The following EHHADH variants were observed in gnomAD, a reference collection of about 807,000 sequenced individuals.
EHHADH encodes the protein enoyl-CoA hydratase and 3-hydroxyacyl CoA dehydrogenase, also known as peroxisomal bifunctional enzyme.
A neutral mutation model predicts 64.4 loss-of-function variants in EHHADH; 48 were observed. The observed-to-expected ratio is 0.75, with a 90% confidence interval of 0.59 to 0.95. The LOEUF is 0.95. Among genes scored for constraint, EHHADH ranks in the 40% least tolerant of loss-of-function variants. The pLI, the probability that EHHADH is intolerant of heterozygous loss-of-function variation, is 0.00. For missense variants in EHHADH, 854 were observed against 876.6 expected (o/e 0.97, Z 0.33); for synonymous variants, 308 against 326.7 (o/e 0.94, Z 0.62).
chr3:185,194,934 A>T (rs1718020989), intron 6 of EHHADH, among the ~76,000 whole-genome samples: 1 of 151,918 alleles, frequency 6.6e-6, no homozygotes, highest in Non-Finnish European at 1.5e-5. Context: ...CCACACAATT[A>T]TGGCCAATTG....
At chr3:185,207,520 T>G (rs1718429621) in intron 5 of EHHADH, among the ~76,000 whole-genome samples, 1 of 152,176 alleles carries the variant, frequency 6.6e-6, no homozygotes, top group Admixed American at 6.5e-5. Flanking sequence ...AATGCAGTGT[T>G]CTCTAGAAGC....
chr3:185,236,091 G>A (rs61421515), intron 2 of EHHADH, among the ~76,000 whole-genome samples: 10,385 of 151,998 alleles, frequency 0.068, 1,179 homozygotes, highest in African/African-American at 0.23. Context: ...TGAAAACCAC[G>A]CAAAATTAAA....
At chr3:185,209,505 A>G (rs1348233147) in intron 5 of EHHADH, among the ~76,000 whole-genome samples, 1 of 152,222 alleles carries the variant, frequency 6.6e-6, no homozygotes, top group Non-Finnish European at 1.5e-5. Flanking sequence ...TCAAAAATGT[A>G]CATCTTAGTT....
intron 6 of EHHADH, among the ~76,000 whole-genome samples, chr3:185,200,815 T>C (rs1262914219): frequency 6.6e-6 from 1 of 152,112 alleles, no homozygotes; most frequent in East Asian, 1.9e-4. Flanking sequence ...GGGTTACTAA[T>C]CAGAACTGCG....
intron 2 of EHHADH, 137 bp from the exon 3 acceptor site, chr3:185,235,599 C>T (rs1719269601): frequency 4.2e-6 from 3 of 707,680 alleles, no homozygotes; most frequent in Non-Finnish European, 4.1e-6. Flanking sequence ...TTCCTGATGA[C>T]TAAAGTCTCA....
chr3:185,249,673 C>T (rs1719693230), intron 1 of EHHADH, among the ~76,000 whole-genome samples: 1 of 152,172 alleles, frequency 6.6e-6, no homozygotes, highest in Non-Finnish European at 1.5e-5. Context: ...GTAAGTTTCC[C>T]CAGGCTTCCC....
intron 4 of EHHADH, chr3:185,226,941 A>G (rs1718994363): frequency 6.6e-6 from 1 of 152,214 alleles, no homozygotes; most frequent in Admixed American, 6.6e-5. Context: ...TCTTCATACA[A>G]TCTCCATGAA....
At chr3:185,245,707 A>G (rs1719576109) in intron 2 of EHHADH, 1 of 713,310 alleles carries the variant, frequency 1.4e-6, no homozygotes, top group Non-Finnish European at 2.6e-6. Flanking sequence ...ATTACCATCT[A>G]TAGAACCACT....
chr3:185,248,571 T>C (rs1201335463), intron 1 of EHHADH, 54 bp from the exon 2 acceptor site: 2 of 1,331,846 alleles, frequency 1.5e-6, no homozygotes, highest in African/African-American at 1.5e-5. Context: ...ATTCCTACCA[T>C]TCAGAGTGTT....
At chr3:185,241,542 C>T (rs1719452638) in intron 2 of EHHADH, among the ~76,000 whole-genome samples, 1 of 152,154 alleles carries the variant, frequency 6.6e-6, no homozygotes, top group African/African-American at 2.4e-5. Context: ...TTGCATTTCC[C>T]TGATCATTAG....
intron 6 of EHHADH, among the ~76,000 whole-genome samples, chr3:185,201,537 G>A (rs1437670025): frequency 6.6e-6 from 1 of 152,134 alleles, no homozygotes; most frequent in African/African-American, 2.4e-5. Flanking sequence ...GTTTCAGTCA[G>A]GAGGCAGAGG....
At chr3:185,233,616 T>A (rs1425001022) in intron 3 of EHHADH, among the ~76,000 whole-genome samples, 1 of 152,108 alleles carries the variant, frequency 6.6e-6, no homozygotes, top group Non-Finnish European at 1.5e-5. Flanking sequence ...GAGTATAAAC[T>A]AAATACAAAA....
In EHHADH at chr3:185,233,157, C is replaced by T. The variant is rs529468538; in HGVS notation, c.351+2133G>A. Among the ~76,000 whole-genome samples the T allele has an allele frequency of 3.3e-5, 5 of 152,214 alleles. No homozygotes were observed. The East Asian group carries it at 9.6e-4, about 29-fold the overall frequency. The stretch of plus-strand genomic sequence containing the variant: ...ACTATGTAAAGCAACAATGATAAAT[C>T]TATGTTAAGCAGTACATAATGTATG... On this transcript the variant is annotated intron_variant, in intron 3 of 6. Transcript: ENST00000231887.
At chr3:185,241,505 A>G (rs1489076690) in intron 2 of EHHADH, among the ~76,000 whole-genome samples, 1 of 152,142 alleles carries the variant, frequency 6.6e-6, no homozygotes, top group East Asian at 1.9e-4. Context: ...TTGCGGGAGT[A>G]AGGTGGTATC....
chr3:185,211,088 T>C (rs1303269497), intron 5 of EHHADH, among the ~76,000 whole-genome samples: 1 of 152,198 alleles, frequency 6.6e-6, no homozygotes, highest in African/African-American at 2.4e-5. Context: ...TCTTTCTTGC[T>C]ACAGCTATAA....
intron 3 of EHHADH, among the ~76,000 whole-genome samples, 185 bp downstream of exon 3, chr3:185,235,105 G>A (rs545813800): frequency 6.6e-6 from 1 of 151,216 alleles, no homozygotes. Flanking sequence ...GCTTGAACTC[G>A]GGAGGTGGAG....
At chr3:185,197,422 A>C (rs1295873037) in intron 6 of EHHADH, among the ~76,000 whole-genome samples, 3 of 152,138 alleles carry the variant, frequency 2.0e-5, no homozygotes, top group Non-Finnish European at 2.9e-5. Flanking sequence ...GCAAAGCTGA[A>C]ACTCTGCACC....
At chr3:185,202,576 A>G (rs778921165) in intron 6 of EHHADH, among the ~76,000 whole-genome samples, 4 of 152,152 alleles carry the variant, frequency 2.6e-5, no homozygotes, top group Non-Finnish European at 5.9e-5. Flanking sequence ...ACCTGTTAGC[A>G]CAGCAGGAGG....
At chr3:185,220,700 T>C (rs1718809702) in intron 4 of EHHADH, among the ~76,000 whole-genome samples, 1 of 152,232 alleles carries the variant, frequency 6.6e-6, no homozygotes, top group African/African-American at 2.4e-5. Context: ...TGTTTTTTCT[T>C]ATGACATCGT....
Sources: gnomAD v4.1 joint callset for allele counts (sites outside exome capture counted in the v4.1 genomes callset) on GRCh38, gnomAD v4.1.1 for gene constraint, MANE v1.5 for transcripts, NCBI Gene and HGNC (gene_info 2026-07-23, HGNC 2026-07-21) for gene names.